TSC22D1: variants seen among roughly 807,000 people sequenced by gnomAD.
TSC22D1 encodes the protein TSC22 domain family protein 1.
TSC22D1 carries 9 observed loss-of-function variants against 74.2 expected under a neutral mutation model. The observed-to-expected ratio is 0.12, with a 90% CI of 0.07 to 0.21. TSC22D1 has a LOEUF of 0.21. TSC22D1 is among the 10% of genes least tolerant of loss of function. TSC22D1 has a pLI of 1.00. For missense variants in TSC22D1, 1,427 were observed against 1,304.7 expected (o/e 1.09, Z -1.44); for synonymous variants, 586 against 492.5 (o/e 1.19, Z -2.51).
chr13:44,536,646 T>C, intron 1 of TSC22D1: 1 of 773,332 alleles, frequency 1.3e-6, no homozygotes, highest in Non-Finnish European at 1.6e-6. Flanking sequence ...GAACTGTTTT[T>C]GGATGCTATT....
chr13:44,433,834 T>C lies in TSC22D1; in HGVS notation c.*792A>G. The C allele has an allele frequency of 1.5e-6, 1 of 689,416 alleles. No individual in the cohort carries two copies. The highest frequency in any genetic ancestry group is 2.2e-6 in the Non-Finnish European group (1 of 456,538). 42.7% of individuals were successfully genotyped at this position (689,416 alleles called of 1,614,324 possible). ...AAAATTTCTTTAGGTGTGGTTTTTGTCATGTAGCAGTTTTTATGTAGATCT... is the reference window on the plus strand; with the variant it reads ...AAAATTTCTTTAGGTGTGGTTTTTGCCATGTAGCAGTTTTTATGTAGATCT... On this transcript the variant is annotated 3_prime_UTR_variant, in exon 3 of 3. Transcript: ENST00000458659.
chr13:44,551,984 T>C (rs893824523), intron 1 of TSC22D1, among the ~76,000 whole-genome samples: 5 of 152,168 alleles, frequency 3.3e-5, no homozygotes, highest in Non-Finnish European at 7.4e-5. Flanking sequence ...CAGACACCAT[T>C]TACGAACGAC....
intron 1 of TSC22D1, among the ~76,000 whole-genome samples, chr13:44,522,370 G>A (rs1880358628): frequency 6.6e-6 from 1 of 152,166 alleles, no homozygotes; most frequent in African/African-American, 2.4e-5. Flanking sequence ...ATATTAAACA[G>A]AAAAGGCATT....
rs534769254 is a variant in TSC22D1 at position 44,454,466 on chromosome 13, C to T, written c.2913-18371G>A. 2.0e-5 allele frequency among the ~76,000 whole-genome samples: 3 copies of T among 152,268 alleles called. 1 individual carries two copies. The South Asian group carries it at 6.2e-4, about 32-fold the overall frequency. On this transcript the variant is annotated intron_variant, in intron 1 of 2. Coordinates refer to ENST00000458659, the MANE Select transcript of TSC22D1 (RefSeq NM_183422.4). ...CGCTAAACTAAGAACGTTATCAACA[C>T]CACTGAAACTCTTATGCTCCTCCTC...
intron 1 of TSC22D1, among the ~76,000 whole-genome samples, chr13:44,437,789 A>T (rs985390204): frequency 6.6e-6 from 1 of 152,196 alleles, no homozygotes; most frequent in Non-Finnish European, 1.5e-5. Flanking sequence ...GAAATATTAT[A>T]AAGTATGTAT....
intron 1 of TSC22D1, among the ~76,000 whole-genome samples, chr13:44,520,883 C>T (rs185368805): frequency 7.1e-4 from 108 of 152,298 alleles, no homozygotes; most frequent in African/African-American, 2.5e-3. Flanking sequence ...GTAACAGAGA[C>T]TACTTTCACA....
intron 1 of TSC22D1, among the ~76,000 whole-genome samples, chr13:44,467,998 ACG>A (rs60034546): frequency 0.098 from 14,415 of 147,150 alleles, 692 homozygotes; most frequent in Non-Finnish European, 0.1. Context: ...CTATACACAC[ACG>A]CGCACACACA....
chr13:44,553,621 T>C (rs2138161715), intron 1 of TSC22D1, among the ~76,000 whole-genome samples: 1 of 152,290 alleles, frequency 6.6e-6, no homozygotes, highest in Admixed American at 6.5e-5. Context: ...ATTGGGGTAA[T>C]GGTTCTATTT....
intron 2 of TSC22D1, 114 bp from the exon 3 acceptor site, chr13:44,434,997 T>C (rs1874424667): frequency 1.1e-6 from 1 of 927,416 alleles, no homozygotes; most frequent in Non-Finnish European, 1.6e-6. Context: ...ATTCCACCTT[T>C]AAAGTTGGTT....
chr13:44,525,497 G>A (rs1456596619), intron 1 of TSC22D1, among the ~76,000 whole-genome samples: 2 of 152,156 alleles, frequency 1.3e-5, no homozygotes, highest in Non-Finnish European at 2.9e-5. Flanking sequence ...CCTGAGGCAG[G>A]AGGATCCCTT....
In TSC22D1 at chr13:44,510,521, T is replaced by C. The variant is rs138443524; in HGVS notation, c.2912+62642A>G. ...AATATGAATGTTCTTCACAGCACTA[T>C]TTATAAATATAGTAGAAAATGAAAT... On this transcript the variant is annotated intron_variant, in intron 1 of 2. Coordinates refer to ENST00000458659, the MANE Select transcript of TSC22D1 (RefSeq NM_183422.4). 4.8e-3 allele frequency among the ~76,000 whole-genome samples: 725 copies of C among 152,338 alleles called. 4 individuals are homozygous for C. The highest frequency in any genetic ancestry group is 8.7e-3 in the Non-Finnish European group (590 of 68,034).
At chr13:44,511,360 G>C (rs1361713588) in intron 1 of TSC22D1, among the ~76,000 whole-genome samples, 1 of 151,948 alleles carries the variant, frequency 6.6e-6, no homozygotes, top group East Asian at 1.9e-4. Flanking sequence ...TTCTATAGCT[G>C]AGCTCATGTC....
chr13:44,570,590 T>G (rs1161022405), intron 1 of TSC22D1, among the ~76,000 whole-genome samples: 1 of 152,230 alleles, frequency 6.6e-6, no homozygotes, highest in Non-Finnish European at 1.5e-5. Context: ...AGTGATCAAC[T>G]GAAGGCACTT....
intron 1 of TSC22D1, among the ~76,000 whole-genome samples, chr13:44,554,943 A>C (rs34647485): frequency 0.019 from 2,900 of 152,256 alleles, 46 homozygotes; most frequent in South Asian, 0.043. Flanking sequence ...AATGGCATTT[A>C]AGTCAGACAT....
intron 1 of TSC22D1, among the ~76,000 whole-genome samples, chr13:44,489,142 G>T (rs1035634548): frequency 1.3e-5 from 2 of 151,006 alleles, no homozygotes; most frequent in African/African-American, 4.9e-5. Context: ...TCAAATATTG[G>T]TGCTGAGTCA....
intron 2 of TSC22D1, chr13:44,435,167 GT>G (rs767686780): frequency 9.8e-6 from 3 of 307,442 alleles, no homozygotes; most frequent in African/African-American, 2.2e-5. Flanking sequence ...CGGGCGCTGG[GT>G]CCCCGACTGA....
chr13:44,545,288 T>A (rs1365248114), intron 1 of TSC22D1, among the ~76,000 whole-genome samples: 5 of 151,634 alleles, frequency 3.3e-5, no homozygotes, highest in Admixed American at 2.0e-4. Flanking sequence ...TGAGCCGAGA[T>A]CACACCACTG....
rs527922267 is a variant in TSC22D1 at position 44,553,117 on chromosome 13, G to A, written c.2912+20046C>T. Among the ~76,000 whole-genome samples the A allele has an allele frequency of 9.3e-4, 141 of 152,234 alleles. 1 individual carries two copies. Among genetic ancestry groups the A allele is most frequent in the African/African-American group, 3.2e-3 (132 of 41,516 alleles). On this transcript the variant is annotated intron_variant, in intron 1 of 2. Transcript: ENST00000458659. ...CGTCACTTGACTATACATGACCAAC[G>A]ACATTTCTCATATATAAAATGAAGC...
chr13:44,553,092 C>T (rs1882396548), intron 1 of TSC22D1, among the ~76,000 whole-genome samples: 2 of 152,132 alleles, frequency 1.3e-5, no homozygotes, highest in Non-Finnish European at 2.9e-5. Flanking sequence ...TGAGGCCTGC[C>T]GTCACTTGAC....
Sources: allele counts gnomAD v4.1 joint callset (sites outside exome capture counted in the v4.1 genomes callset), GRCh38; gene constraint gnomAD v4.1.1; transcripts MANE v1.5; gene names NCBI Gene and HGNC (gene_info 2026-07-23, HGNC 2026-07-21).